The following IL20 variants were observed in gnomAD, a reference collection of about 807,000 sequenced individuals.
IL20 encodes the protein interleukin-20.
In IL20, 22 loss-of-function variants were observed where a neutral mutation model predicts 19.2. That is an observed-to-expected ratio of 1.15 (90% CI 0.82 to 1.64). The LOEUF (loss-of-function observed/expected upper bound fraction) is 1.64, where lower values mean the gene tolerates loss of function less well. Ranked by LOEUF, IL20 falls within the 40% of genes most tolerant of loss-of-function variation. IL20 has a pLI of 0.00. For missense variants in IL20, 215 were observed against 212.8 expected (o/e 1.01, Z -0.06); for synonymous variants, 70 against 76.2 (o/e 0.92, Z 0.43).
chr1:206,865,597 G>T, upstream of IL20: 1 of 1,279,222 alleles, frequency 7.8e-7, no homozygotes, highest in Non-Finnish European at 9.9e-7. The surrounding 1 kb of genome is among the most constrained non-coding windows in gnomAD (Gnocchi z 4.1). Flanking sequence ...ACAGAATAAA[G>T]GAGCCACGAC....
At chr1:206,867,554 C>T in intron 5 of IL20, 96 bp downstream of exon 5, 4 of 1,027,982 alleles carry the variant, frequency 3.9e-6, no homozygotes, top group Non-Finnish European at 6.1e-6. Flanking sequence ...CATCCTGTAG[C>T]CTTCAGGTTC....
chr1:206,866,331 C>A lies in IL20; in HGVS notation c.192C>A (p.Ile64=). ...QAKDGNIDIR[I]LRRTESLQDT... ...AAGATGGAAACATTGACATCAGAATCTTAAGGAGGACTGAGTCTTTGCAAG... is the reference window on the plus strand; with the variant it reads ...AAGATGGAAACATTGACATCAGAATATTAAGGAGGACTGAGTCTTTGCAAG... The change falls in exon 3 of 6, where the codon ATC becomes ATA. Residue 64 remains isoleucine (I), a synonymous_variant. Transcript: ENST00000367098. 2 of 1,614,070 alleles carry A rather than the reference C, an allele frequency of 1.2e-6. No individual in the cohort carries two copies. Among genetic ancestry groups the A allele is most frequent in the Non-Finnish European group, 1.7e-6 (2 of 1,179,986 alleles).
chr1:206,868,037 C>T (rs1256433766), intron 5 of IL20, among the ~76,000 whole-genome samples: 1 of 152,120 alleles, frequency 6.6e-6, no homozygotes, highest in Non-Finnish European at 1.5e-5. Context: ...CCAGTCTCCT[C>T]ACTCAACTGT....
At position 206,866,307 on chromosome 1, in the gene IL20, A is replaced by C; in HGVS notation, c.168A>C (p.Lys56Asn). The C allele has an allele frequency of 6.2e-7, 1 of 1,614,132 alleles. No individual in the cohort carries two copies. The highest frequency in any genetic ancestry group is 8.5e-7 in the Non-Finnish European group (1 of 1,179,984). The change falls in exon 3 of 6, where the codon AAA (lysine) becomes AAC (asparagine). Residue 56 changes from lysine (K) to asparagine (N), a missense_variant. Coordinates refer to ENST00000367098, the MANE Select transcript of IL20 (RefSeq NM_018724.4). ...FSEIRGSVQA[K>N]DGNIDIRILR... is the part of the protein sequence containing the mutation. ...TGTCTTCTTCTGTTTAGCAAGCCAA[A>C]GATGGAAACATTGACATCAGAATCT...
rs1677550204 is a variant in IL20, at chr1:206,866,481, C to T, written c.226-3C>T. The T allele has an allele frequency of 6.2e-7, 1 of 1,613,510 alleles. No homozygotes were observed. ...TCACCAATATACCTGTGGTTTTTTGCAGCCTGCGAATCGATGCTGCCTCCT... is the reference window on the plus strand; with the variant it reads ...TCACCAATATACCTGTGGTTTTTTGTAGCCTGCGAATCGATGCTGCCTCCT... On this transcript the variant is annotated splice_region_variant and splice_polypyrimidine_tract_variant and intron_variant, in intron 3 of 5. Coordinates refer to ENST00000367098, the MANE Select transcript of IL20 (RefSeq NM_018724.4).
chr1:206,867,153 C>T (rs539641857), intron 4 of IL20, among the ~76,000 whole-genome samples: 20 of 151,712 alleles, frequency 1.3e-4, no homozygotes, highest in Non-Finnish European at 2.6e-4. Context: ...GTACTGCCTG[C>T]CTATTTCTAA....
intron 5 of IL20, among the ~76,000 whole-genome samples, chr1:206,868,126 A>G (rs995747597): frequency 1.3e-5 from 2 of 151,800 alleles, no homozygotes; most frequent in Admixed American, 1.3e-4. Flanking sequence ...TGTTCAACTG[A>G]TGTGTGCACC....
Position 206,865,952 on chromosome 1 carries a change from G to C in IL20, c.100G>C (p.Val34Leu). ...GAAGACACTCAATTTGGGAAGCTGTGTGATCGCCACAAACCTTCAGGAAAT... is the reference window on the plus strand; with the variant it reads ...GAAGACACTCAATTTGGGAAGCTGTCTGATCGCCACAAACCTTCAGGAAAT... ...GLKTLNLGSC[V>L]IATNLQEIRN... The change falls in exon 2 of 6, where the codon GTG becomes CTG. Residue 34 changes from valine (V) to leucine (L), a missense_variant. Transcript: ENST00000367098. The surrounding 1 kb of genome is among the most constrained non-coding windows in gnomAD (Gnocchi z 4.1). 1 of 1,614,166 alleles carries C rather than the reference G, an allele frequency of 6.2e-7. No individual in the cohort carries two copies. The highest frequency in any genetic ancestry group is 8.5e-7 in the Non-Finnish European group (1 of 1,180,022).
chr1:206,864,502 A>G (rs926828767), upstream of IL20, among the ~76,000 whole-genome samples: 10 of 152,118 alleles, frequency 6.6e-5, no homozygotes, highest in Non-Finnish European at 5.9e-5. Flanking sequence ...AAATTGAAAA[A>G]TTAAAAAGTA....
chr1:206,864,130 G>C (rs1713239), upstream of IL20, among the ~76,000 whole-genome samples: 132,640 of 152,152 alleles, frequency 0.87, 58,225 homozygotes, highest in African/African-American at 0.96. Context: ...CAACCTCAGT[G>C]CTGGGTAAAC....
In IL20 at chr1:206,866,531, G is replaced by A; in HGVS notation, c.273G>A (p.Leu91=). 1 of 1,614,070 alleles carries A rather than the reference G, an allele frequency of 6.2e-7. No homozygotes were observed. The highest frequency in any genetic ancestry group is 8.5e-7 in the Non-Finnish European group (1 of 1,179,994). Reference sequence around the variant, plus strand: ...TGCGCCATTTGCTAAGACTCTATCTGGACAGGGTATTTAAAAACTACCAGA... The same window carrying A: ...TGCGCCATTTGCTAAGACTCTATCTAGACAGGGTATTTAAAAACTACCAGA... ...CLLRHLLRLY[L]DRVFKNYQTP... Residue 91 remains leucine, a synonymous_variant, in exon 4 of 6, where the codon CTG becomes CTA. Coordinates refer to ENST00000367098, the MANE Select transcript of IL20 (RefSeq NM_018724.4).
chr1:206,866,044 C>G (rs1244227926), intron 2 of IL20, 33 bp downstream of exon 2: 4 of 1,586,834 alleles, frequency 2.5e-6, no homozygotes, highest in Admixed American at 1.7e-5. Context: ...CTCCTGAAAG[C>G]CTTTTCTCTT....
rs114133732 is a variant in IL20, at chr1:206,869,189, T to G, written c.*625T>G. On this transcript the variant is annotated 3_prime_UTR_variant, in exon 6 of 6. Transcript: ENST00000367098. Reference sequence around the variant, plus strand: ...AGCCAGGAATCCTACACGGCCAGCATGTATTTCTACAAATAAAGTTTTCTT... The same window carrying G: ...AGCCAGGAATCCTACACGGCCAGCAGGTATTTCTACAAATAAAGTTTTCTT... The G allele has an allele frequency of 1.5e-4, 23 of 152,450 alleles. No individual in the cohort carries two copies. The highest frequency in any genetic ancestry group is 5.3e-4 in the African/African-American group (22 of 41,546). The allele number at this position is 152,450 out of a possible 1,614,324, so 9.4% of individuals were successfully genotyped here. A position where few individuals can be genotyped will look rare whatever the true frequency, so the allele number is the denominator to read the frequency against.
chr1:206,865,862 T>G lies in IL20; in HGVS notation c.10T>G (p.Ser4Ala), dbSNP rs1677528679. The G allele has an allele frequency of 6.2e-7, 1 of 1,613,900 alleles. No homozygotes were observed. The highest frequency in any genetic ancestry group is 8.5e-7 in the Non-Finnish European group (1 of 1,179,914). The stretch of plus-strand genomic sequence containing the variant: ...AGATTTCAGGCCTAAGATGAAAGCC[T>G]CTAGTCTTGCCTTCAGCCTTCTCTC... MKA[S>A]SLAFSLLSAA... The change falls in exon 2 of 6, where the codon TCT becomes GCT. Residue 4 changes from serine (S) to alanine (A), a missense_variant. By Grantham distance (99) the Ser-to-Ala change is moderately conservative (BLOSUM62 1). Transcript: ENST00000367098. The surrounding 1 kb of genome is among the most constrained non-coding windows in gnomAD (Gnocchi z 4.1).
At chr1:206,867,292 T>C (rs1677578944) in intron 4 of IL20, 92 bp from the exon 5 acceptor site, 1 of 1,031,858 alleles carries the variant, frequency 9.7e-7, no homozygotes, top group Non-Finnish European at 1.5e-6. Context: ...CTCAGGGTTG[T>C]GGGTGAAAGA....
At chr1:206,866,748 A>T in intron 4 of IL20, 112 bp downstream of exon 4, 1 of 1,076,636 alleles carries the variant, frequency 9.3e-7, no homozygotes, top group Non-Finnish European at 1.4e-6. Flanking sequence ...TGAGTCCAAA[A>T]GTTCTAATAA....
chr1:206,868,881 A>G lies in IL20; in HGVS notation c.*317A>G, dbSNP rs1483969478. ...TACTTGGACATGAAACTTTAAAAAAATTCACAGATTATATTTATAACCTGA... is the reference window on the plus strand; with the variant it reads ...TACTTGGACATGAAACTTTAAAAAAGTTCACAGATTATATTTATAACCTGA... On this transcript the variant is annotated 3_prime_UTR_variant, in exon 6 of 6. Coordinates refer to ENST00000367098, the MANE Select transcript of IL20 (RefSeq NM_018724.4). The G allele has an allele frequency of 6.4e-6, 1 of 156,728 alleles. No individual in the cohort carries two copies. Among genetic ancestry groups the G allele is most frequent in the African/African-American group, 2.4e-5 (1 of 41,588 alleles). The allele number at this position is 156,728 out of a possible 1,614,324, so 9.7% of individuals were successfully genotyped here. A position where few individuals can be genotyped will look rare whatever the true frequency, so the allele number is the denominator to read the frequency against.
upstream of IL20, among the ~76,000 whole-genome samples, chr1:206,864,020 G>T (rs1677482803): frequency 6.6e-6 from 1 of 152,200 alleles, no homozygotes; most frequent in South Asian, 2.1e-4. Context: ...CTTGTCCAAG[G>T]TCACATAGAG....
Position 206,866,382 on chromosome 1 carries a change from A to G in IL20, c.225+18A>G, listed in dbSNP as rs1677545284. Reference sequence around the variant, plus strand: ...ACACAAAGGTATGTGCTTGGCCCAGACAAACTCTGGGAGGAGGAGTGGAGT... The same window carrying G: ...ACACAAAGGTATGTGCTTGGCCCAGGCAAACTCTGGGAGGAGGAGTGGAGT... On this transcript the variant is annotated intron_variant, in intron 3 of 5. Coordinates refer to ENST00000367098, the MANE Select transcript of IL20 (RefSeq NM_018724.4). The G allele has an allele frequency of 1.9e-6, 3 of 1,613,740 alleles. No homozygotes were observed. The highest frequency in any genetic ancestry group is 1.3e-5 in the African/African-American group (1 of 74,906).
Sources: gnomAD v4.1 joint callset for allele counts (sites outside exome capture counted in the v4.1 genomes callset) on GRCh38, gnomAD v4.1.1 for gene constraint, Gnocchi (gnomAD v3.1) non-coding constraint, MANE v1.5 for transcripts, NCBI Gene and HGNC (gene_info 2026-07-23, HGNC 2026-07-21) for gene names.